The following R3HDM2 variants were observed in gnomAD, a reference collection of about 807,000 sequenced individuals.
R3HDM2 encodes R3H domain-containing protein 2.
Under a neutral mutation model 124.5 loss-of-function variants are expected in R3HDM2, and 38 were observed. The observed-to-expected ratio is 0.31, with a 90% CI of 0.24 to 0.40. The LOEUF is 0.40. R3HDM2 is among the 10% of genes least tolerant of loss of function. R3HDM2 has a pLI of 1.00. For missense variants in R3HDM2, 869 were observed against 1,236.9 expected, an observed-to-expected ratio of 0.70 and a Z score of 4.46; for synonymous variants, 391 against 448.0, an observed-to-expected ratio of 0.87 and a Z score of 1.61.
intron 1 of R3HDM2, among the ~76,000 whole-genome samples, chr12:57,424,642 T>C (rs1221622719): frequency 1.3e-5 from 2 of 152,132 alleles, no homozygotes; most frequent in South Asian, 2.1e-4. Flanking sequence ...ATTCTTACAA[T>C]TGTCATACGC....
chr12:57,369,248 G>A (rs1240661112), intron 2 of R3HDM2, among the ~76,000 whole-genome samples: 1 of 152,032 alleles, frequency 6.6e-6, no homozygotes, highest in Admixed American at 6.6e-5. Context: ...AGATCTCTGG[G>A]GCAAACATAA....
At chr12:57,399,455 AACAG>A (rs1486145682) in intron 1 of R3HDM2, among the ~76,000 whole-genome samples, 1 of 152,068 alleles carries the variant, frequency 6.6e-6, no homozygotes, top group East Asian at 1.9e-4. Context: ...TCACCAGAAA[AACAG>A]ACACTTTGTC....
chr12:57,288,887 G>C, intron 12 of R3HDM2, 122 bp downstream of exon 12: 2 of 1,551,492 alleles, frequency 1.3e-6, no homozygotes, highest in Non-Finnish European at 1.7e-6. Context: ...GTGAGAGCTA[G>C]AAGAAAAGGC....
intron 2 of R3HDM2, among the ~76,000 whole-genome samples, chr12:57,315,702 A>G (rs745953971): frequency 2.3e-4 from 35 of 152,250 alleles, no homozygotes; most frequent in Non-Finnish European, 5.0e-4. Flanking sequence ...ATGGTCACAT[A>G]TTCAACCTCA....
intron 3 of R3HDM2, 53 bp from the exon 4 acceptor site, chr12:57,303,270 G>C (rs1470496687): frequency 7.1e-7 from 1 of 1,403,432 alleles, no homozygotes; most frequent in Admixed American, 2.0e-5. Flanking sequence ...CGACATGTAA[G>C]TTAAAAACAA....
At chr12:57,327,576 A>T (rs1426317566) in intron 2 of R3HDM2, among the ~76,000 whole-genome samples, 1 of 152,170 alleles carries the variant, frequency 6.6e-6, no homozygotes, top group East Asian at 1.9e-4. Flanking sequence ...AGGATTCACT[A>T]TTCTAGGTGC....
chr12:57,336,513 G>A (rs936174371), intron 2 of R3HDM2, among the ~76,000 whole-genome samples: 6 of 152,144 alleles, frequency 3.9e-5, no homozygotes, highest in African/African-American at 1.4e-4. Flanking sequence ...GTCTTTTGCA[G>A]GAACAGGGAT....
intron 1 of R3HDM2, chr12:57,430,489 G>GGCCCCCCCCCCCCCCCCC: frequency 1.3e-6 from 1 of 790,578 alleles, no homozygotes; most frequent in Non-Finnish European, 1.5e-6. Context: ...CCACCCCCCT[G>GGCCCCCCCCCCCCCCCCC]CCCCCGCACC....
In R3HDM2 at chr12:57,279,447, TGCTGGGATTACAG is replaced by T. The variant is rs201440823; in HGVS notation, c.1344+898_1344+910del. Reference sequence around the variant, plus strand: ...ATTCACCCGCCTCAGCCTCCCAAAGTGCTGGGATTACAGGCTTGAGCAACCATGCCTGGCCTTA... The same window carrying T: ...ATTCACCCGCCTCAGCCTCCCAAAGTGCTTGAGCAACCATGCCTGGCCTTA... On this transcript the variant is annotated intron_variant, in intron 14 of 23. Coordinates refer to ENST00000402412, the MANE Select transcript of R3HDM2 (RefSeq NM_001394031.1). 7.8e-4 allele frequency among the ~76,000 whole-genome samples: 117 copies of T among 150,736 alleles called. 2 individuals are homozygous for T. In the East Asian group the frequency reaches 0.018, roughly 23 times the overall value.
chr12:57,261,233 G>A (rs894441216), intron 19 of R3HDM2, among the ~76,000 whole-genome samples: 2 of 152,152 alleles, frequency 1.3e-5, no homozygotes, highest in Non-Finnish European at 2.9e-5. Context: ...ATACCTCATT[G>A]CTACTTGAGA....
rs2049956650 is a variant in R3HDM2 at position 57,296,706 on chromosome 12, T to C, written c.561-155A>G. 1.3e-6 allele frequency: 1 copy of C among 798,240 alleles called. No individual in the cohort carries two copies. The highest frequency in any genetic ancestry group is 1.9e-6 in the Non-Finnish European group (1 of 522,786). The allele number at this position is 798,240 out of a possible 1,614,324, so 49.4% of individuals were successfully genotyped here. ...AGATATTTACTAAATGGGAACCAAA[T>C]AGGTTTTTCTCAGTTTCTTTATCTA... is the stretch of plus-strand genomic sequence containing the variant. On this transcript the variant is annotated intron_variant, in intron 8 of 23. Transcript: ENST00000402412. The surrounding 1 kb of genome is among the most constrained non-coding windows in gnomAD (Gnocchi z 4.5).
intron 19 of R3HDM2, among the ~76,000 whole-genome samples, chr12:57,262,462 T>C (rs997548169): frequency 6.6e-6 from 1 of 152,200 alleles, no homozygotes; most frequent in African/African-American, 2.4e-5. Flanking sequence ...GGAGAAGTCT[T>C]TCCTGGGGTT....
chr12:57,299,567 G>C (rs896738337), intron 5 of R3HDM2, 89 bp from the exon 6 acceptor site: 1 of 1,308,792 alleles, frequency 7.6e-7, no homozygotes, highest in African/African-American at 1.5e-5. Context: ...AAATCTTGGG[G>C]TGGCAGCTCT....
At chr12:57,428,106 C>T (rs1473611199) in intron 1 of R3HDM2, among the ~76,000 whole-genome samples, 2 of 149,010 alleles carry the variant, frequency 1.3e-5, no homozygotes, top group African/African-American at 2.5e-5. Flanking sequence ...GGTGACAGAG[C>T]GAGACTCCAT....
intron 1 of R3HDM2, among the ~76,000 whole-genome samples, chr12:57,403,479 C>A (rs1192538323): frequency 6.8e-6 from 1 of 147,496 alleles, no homozygotes; most frequent in Admixed American, 6.8e-5. Context: ...GTGACAAGAG[C>A]GAAACTCAGT....
intron 2 of R3HDM2, among the ~76,000 whole-genome samples, chr12:57,358,933 T>G (rs1262491898): frequency 6.6e-6 from 1 of 151,684 alleles, no homozygotes; most frequent in African/African-American, 2.4e-5. Flanking sequence ...TTCTTTTTTT[T>G]TTTTGAGGGA....
At chr12:57,386,590 C>G (rs1428145632) in intron 2 of R3HDM2, among the ~76,000 whole-genome samples, 1 of 151,608 alleles carries the variant, frequency 6.6e-6, no homozygotes, top group Non-Finnish European at 1.5e-5. Context: ...GCCTCCCTGA[C>G]GAGCGCCGCC....
chr12:57,394,433 ACC>A (rs1244689553), intron 2 of R3HDM2, among the ~76,000 whole-genome samples: 1 of 152,144 alleles, frequency 6.6e-6, no homozygotes, highest in Non-Finnish European at 1.5e-5. Context: ...ACATGGCGAA[ACC>A]CCGTCTTGTA....
In R3HDM2 at chr12:57,386,271, A is replaced by T. The variant is rs575077233; in HGVS notation, c.-36+9478T>A. On this transcript the variant is annotated intron_variant, in intron 2 of 23. Transcript: ENST00000402412. ...TGGGAGCTCCTTCCTGGGCTCGCCG[A>T]GGCGGGAGCCGGCTCCCTCAGCTTG... Among the ~76,000 whole-genome samples, 72 of 152,166 alleles carry T rather than the reference A, an allele frequency of 4.7e-4. 1 individual carries two copies. The highest frequency in any genetic ancestry group is 6.8e-3 in the Middle Eastern group (2 of 294).
Sources: allele counts gnomAD v4.1 joint callset (sites outside exome capture counted in the v4.1 genomes callset), GRCh38; gene constraint gnomAD v4.1.1; non-coding constraint Gnocchi (gnomAD v3.1); transcripts MANE v1.5; gene names NCBI Gene and HGNC (gene_info 2026-07-23, HGNC 2026-07-21).